ALG1: variants seen among roughly 807,000 people sequenced by gnomAD.
The protein encoded by ALG1 is ALG1 chitobiosyldiphosphodolichol beta-mannosyltransferase, also known as chitobiosyldiphosphodolichol beta-mannosyltransferase.
A neutral mutation model predicts 55.1 loss-of-function variants in ALG1; 58 were observed. That is an observed-to-expected ratio of 1.05 (90% CI 0.85 to 1.31). The LOEUF is 1.31. Ranked by LOEUF, ALG1 falls within the 50% of genes most tolerant of loss-of-function variation. The pLI, the probability that ALG1 is intolerant of heterozygous loss-of-function variation, is 0.00. For synonymous variants in ALG1, 309 were observed against 247.0 expected (o/e 1.25, Z -2.35); for missense variants, 761 against 598.6 (o/e 1.27, Z -2.83).
At chr16:5,084,698 G>T (rs1957086264) in intron 12 of ALG1, 52 bp from the exon 13 acceptor site, 1 of 1,596,070 alleles carries the variant, frequency 6.3e-7, no homozygotes, top group Non-Finnish European at 8.5e-7. Flanking sequence ...GGTGACCTGG[G>T]ATGGGGTGGG....
At position 5,074,865 on chromosome 16, in the gene ALG1, C is replaced by A. The variant is rs540576577; in HGVS notation, c.391-523C>A. 2.6e-5 allele frequency among the ~76,000 whole-genome samples: 4 copies of A among 152,222 alleles called. No homozygotes were observed. The South Asian group carries it at 8.3e-4, about 32-fold the overall frequency. On this transcript the variant is annotated intron_variant, in intron 3 of 12. Transcript: ENST00000262374. ...TTTTGCCTCCTTGATTATTGATGATCTTGGACTTTTCAGGTTGGTTCTGTT... is the reference window on the plus strand; with the variant it reads ...TTTTGCCTCCTTGATTATTGATGATATTGGACTTTTCAGGTTGGTTCTGTT...
At chr16:5,077,609 C>A in intron 5 of ALG1, 75 bp downstream of exon 5, 1 of 1,442,048 alleles carries the variant, frequency 6.9e-7, no homozygotes, top group Non-Finnish European at 9.7e-7. Context: ...AGCTGCCTTG[C>A]CTGCTGCCGT....
Position 5,077,513 on chromosome 16 carries a change from T to C in ALG1, c.608T>C (p.Leu203Pro), listed in dbSNP as rs777949225. ...GTTACCAATGCTATGCGAGAAGACC[T>C]GGCGGATAACTGGCACATCAGGTAC... ...LCVTNAMRED[L>P]ADNWHIRAVT... The change falls in exon 5 of 13, where the codon CTG becomes CCG. Residue 203 changes from leucine (L) to proline (P), a missense_variant. Leu to Pro is a moderately conservative substitution (Grantham distance 98, BLOSUM62 -3). Transcript: ENST00000262374. 13 of 1,614,084 alleles carry C rather than the reference T, an allele frequency of 8.1e-6. No individual in the cohort carries two copies. Among genetic ancestry groups the C allele is most frequent in the Non-Finnish European group, 1.0e-5 (12 of 1,180,040 alleles).
At chr16:5,073,340 C>G in intron 3 of ALG1, 84 bp downstream of exon 3, 2 of 1,229,600 alleles carry the variant, frequency 1.6e-6, no homozygotes, top group Non-Finnish European at 1.2e-6. Context: ...ATTGCATATT[C>G]ATATGTGTGT....
intron 3 of ALG1, 159 bp downstream of exon 3, chr16:5,073,415 C>G: frequency 1.5e-6 from 1 of 684,456 alleles, no homozygotes; most frequent in Non-Finnish European, 2.6e-6. Flanking sequence ...ATTTATGGCA[C>G]CTATCCATGC....
At chr16:5,083,618 G>A (rs548596791) in intron 11 of ALG1, 64 bp from the exon 12 acceptor site, 18 of 1,598,556 alleles carry the variant, frequency 1.1e-5, no homozygotes, top group Non-Finnish European at 1.4e-5. Flanking sequence ...GAGCCCAGGT[G>A]GGCACCCCAG....
chr16:5,072,856 C>G (rs1324545142), intron 1 of ALG1, 95 bp from the exon 2 acceptor site: 3 of 1,182,376 alleles, frequency 2.5e-6, no homozygotes, highest in Non-Finnish European at 3.8e-6. Flanking sequence ...ATCTTACTTT[C>G]CAAAACACTG....
At chr16:5,081,106 G>GGGGGAAA in intron 10 of ALG1, 50 bp downstream of exon 10, 2 of 1,407,860 alleles carry the variant, frequency 1.4e-6, no homozygotes, top group Non-Finnish European at 1.9e-6. Context: ...AACAGGGTGG[G>GGGGGAAA]CGGGATGTAC....
Position 5,087,154 on chromosome 16 carries a change from G to A in ALG1, c.*2273G>A, listed in dbSNP as rs1957207799. ...TTGGCCTCCCTGTGCCACACTGGAA[G>A]AAGAAGAATCGCCTTGGGCCACGCA... is the stretch of plus-strand genomic sequence containing the variant. On this transcript the variant is annotated 3_prime_UTR_variant, in exon 13 of 13. Transcript: ENST00000262374. The A allele has an allele frequency of 6.7e-6, 1 of 148,700 alleles. No individual in the cohort carries two copies. The highest frequency in any genetic ancestry group is 2.2e-4 in the South Asian group (1 of 4,562). The allele number at this position is 148,700 out of a possible 1,614,324, so 9.2% of individuals were successfully genotyped here.
In ALG1 at chr16:5,085,948, C is replaced by G. The variant is rs1318392265; in HGVS notation, c.*1067C>G. Among the ~76,000 whole-genome samples the G allele has an allele frequency of 6.6e-6, 1 of 152,192 alleles. No homozygotes were observed. The highest frequency in any genetic ancestry group is 1.5e-5 in the Non-Finnish European group (1 of 68,046). Reference sequence around the variant, plus strand: ...GCATAGAAATGGCTAGCAGCAGGCACCGTGCCGCTGTCCACTCTCTGCCTG... The same window carrying G: ...GCATAGAAATGGCTAGCAGCAGGCAGCGTGCCGCTGTCCACTCTCTGCCTG... On this transcript the variant is annotated 3_prime_UTR_variant, in exon 13 of 13. Coordinates refer to ENST00000262374, the MANE Select transcript of ALG1 (RefSeq NM_019109.5).
Position 5,082,563 on chromosome 16 carries a change from G to A in ALG1, c.1077G>A (p.Ser359=), listed in dbSNP as rs564052127. 37 of 1,611,858 alleles carry A rather than the reference G, an allele frequency of 2.3e-5. No homozygotes were observed. Among genetic ancestry groups the A allele is most frequent in the African/African-American group, 9.4e-5 (7 of 74,848 alleles). Residue 359 remains serine (S), a synonymous_variant, in exon 11 of 13, where the codon TCG becomes TCA. Coordinates refer to ENST00000262374, the MANE Select transcript of ALG1 (RefSeq NM_019109.5). The stretch of plus-strand genomic sequence containing the variant: ...CCCACCCCTCTTGCCTAGCAGGGTC[G>A]GCGGACCTGGGTGTCTGTCTGCACA... ...EAEDYPLLLG[S]ADLGVCLHTS...
At position 5,085,749 on chromosome 16, in the gene ALG1, TGTGTTTGAGGATGGCG is replaced by T. The variant is rs1351370814; in HGVS notation, c.*876_*891del. 6.3e-7 allele frequency: 1 copy of T among 1,591,850 alleles called. No homozygotes were observed. Among genetic ancestry groups the T allele is most frequent in the East Asian group, 2.2e-5 (1 of 44,710 alleles). On this transcript the variant is annotated 3_prime_UTR_variant, in exon 13 of 13. Coordinates refer to ENST00000262374, the MANE Select transcript of ALG1 (RefSeq NM_019109.5). ...CGGCCCGGCCTGGAAACAGAGCACATGTGTTTGAGGATGGCGGTGTTTGGGGACAGGACATGAGGGT... is the reference window on the plus strand; with the variant it reads ...CGGCCCGGCCTGGAAACAGAGCACATGTGTTTGGGGACAGGACATGAGGGT...
At chr16:5,072,897 C>A in intron 1 of ALG1, 54 bp from the exon 2 acceptor site, 1 of 1,515,198 alleles carries the variant, frequency 6.6e-7, no homozygotes, top group Non-Finnish European at 9.2e-7. Context: ...GGGAGATTAT[C>A]TGACTTTAGA....
intron 5 of ALG1, 90 bp from the exon 6 acceptor site, chr16:5,077,817 A>G (rs574746941): frequency 6.4e-6 from 8 of 1,248,534 alleles, no homozygotes; most frequent in Middle Eastern, 2.7e-4. Context: ...GGATTCCCCA[A>G]GCGTCCTTCT....
intron 10 of ALG1, among the ~76,000 whole-genome samples, chr16:5,081,947 T>C (rs1179905058): frequency 6.6e-6 from 1 of 152,040 alleles, no homozygotes; most frequent in African/African-American, 2.4e-5. Flanking sequence ...TGGTTTATTA[T>C]TATTATCATT....
intron 12 of ALG1, 90 bp downstream of exon 12, chr16:5,083,847 G>A: frequency 1.3e-6 from 2 of 1,582,434 alleles, no homozygotes; most frequent in Admixed American, 1.7e-5. Flanking sequence ...CCACAGCCAG[G>A]GTGGGACCAT....
In ALG1 at chr16:5,072,070, G is replaced by A. The variant is rs794726945; in HGVS notation, c.208+13G>A. 1.5e-6 allele frequency: 2 copies of A among 1,368,510 alleles called. No homozygotes were observed. Among genetic ancestry groups the A allele is most frequent in the Non-Finnish European group, 9.9e-7 (1 of 1,008,542 alleles). The allele number at this position is 1,368,510 out of a possible 1,614,324, so 84.8% of individuals were successfully genotyped here. On this transcript the variant is annotated intron_variant, in intron 1 of 12. Coordinates refer to ENST00000262374, the MANE Select transcript of ALG1 (RefSeq NM_019109.5). ...CTGGGGTTCTGCAGTGAGTGGCCAA[G>A]GGTCTGGGAGGGACGATGCTCTCTC...
intron 1 of ALG1, chr16:5,072,289 C>G: frequency 7.0e-7 from 1 of 1,438,246 alleles, no homozygotes; most frequent in Non-Finnish European, 9.1e-7. Flanking sequence ...TGCGTGGTCT[C>G]ACGTAATTCT....
Position 5,071,885 on chromosome 16 carries a change from T to G in ALG1, c.36T>G (p.Cys12Trp), listed in dbSNP as rs369180139. The G allele has an allele frequency of 2.5e-6, 4 of 1,603,096 alleles. No homozygotes were observed. Among genetic ancestry groups the G allele is most frequent in the Non-Finnish European group, 3.4e-6 (4 of 1,176,974 alleles). ...CATGCTTGGTCCTGCTGGCGCTGTGTCTGCTGCTGCCGCTGCTGCTGCTGG... is the reference window on the plus strand; with the variant it reads ...CATGCTTGGTCCTGCTGGCGCTGTGGCTGCTGCTGCCGCTGCTGCTGCTGG... ...AASCLVLLALCLLLPLLLLGG... is the reference protein window; with the variant it reads ...AASCLVLLALWLLLPLLLLGG... The change falls in exon 1 of 13, where the codon TGT (cysteine) becomes TGG (tryptophan). Residue 12 changes from cysteine to tryptophan, a missense_variant. Coordinates refer to ENST00000262374, the MANE Select transcript of ALG1 (RefSeq NM_019109.5).
Sources: allele counts gnomAD v4.1 joint callset (sites outside exome capture counted in the v4.1 genomes callset), GRCh38; gene constraint gnomAD v4.1.1; transcripts MANE v1.5; gene names NCBI Gene and HGNC (gene_info 2026-07-23, HGNC 2026-07-21).